KCNQ3: variants seen among roughly 807,000 people sequenced by gnomAD.
KCNQ3 encodes potassium voltage-gated channel subfamily Q member 3.
KCNQ3 carries 30 observed loss-of-function variants against 92.5 expected under a neutral mutation model. The ratio of observed to expected loss-of-function variants is 0.32; its 90% CI spans 0.24 to 0.44. KCNQ3 has a LOEUF of 0.44. KCNQ3 is among the 20% of genes least tolerant of loss of function. The pLI is 1.00. For missense variants in KCNQ3, 913 were observed against 1,140.3 expected, an observed-to-expected ratio of 0.80 and a Z score of 2.87; for synonymous variants, 450 against 468.8, an observed-to-expected ratio of 0.96 and a Z score of 0.52.
chr8:132,402,333 C>T (rs375641893), intron 1 of KCNQ3, among the ~76,000 whole-genome samples: 8 of 152,294 alleles, frequency 5.3e-5, no homozygotes, highest in African/African-American at 1.4e-4. Flanking sequence ...AAAGAACTTG[C>T]TCGGCTTCTG....
At chr8:132,227,058 C>CTTTTTTTTTTTTTTT in intron 1 of KCNQ3, among the ~76,000 whole-genome samples, 1 of 88,662 alleles carries the variant, frequency 1.1e-5, no homozygotes, top group Non-Finnish European at 2.3e-5. Flanking sequence ...ACATATCTCA[C>CTTTTTTTTTTTTTTT]TCTTTTTTTT....
intron 1 of KCNQ3, among the ~76,000 whole-genome samples, chr8:132,307,277 G>A (rs1367865557): frequency 6.6e-6 from 1 of 152,184 alleles, no homozygotes; most frequent in East Asian, 1.9e-4. Context: ...AGTGGACTAA[G>A]TACACTTTCC....
intron 1 of KCNQ3, among the ~76,000 whole-genome samples, chr8:132,313,065 G>A (rs1817641681): frequency 1.3e-5 from 2 of 152,198 alleles, no homozygotes; most frequent in South Asian, 4.1e-4. Context: ...TGTCTATTAA[G>A]GTGGCAGTGA....
chr8:132,122,810 T>C lies in KCNQ3; in HGVS notation c.*6452A>G, dbSNP rs1298982360. 4 of 151,846 alleles carry C rather than the reference T, an allele frequency of 2.6e-5. No individual in the cohort carries two copies. Among genetic ancestry groups the C allele is most frequent in the African/African-American group, 9.7e-5 (4 of 41,424 alleles). The allele number at this position is 151,846 out of a possible 1,614,324, so 9.4% of individuals were successfully genotyped here. A position where few individuals can be genotyped will look rare whatever the true frequency, so the allele number is the denominator to read the frequency against. On this transcript the variant is annotated 3_prime_UTR_variant, in exon 15 of 15. Transcript: ENST00000388996. Reference sequence around the variant, plus strand: ...TCTGGCCGATTTATCCCGAGAACAATGTAAGTGGAAACTAACAATGAAGAT... The same window carrying C: ...TCTGGCCGATTTATCCCGAGAACAACGTAAGTGGAAACTAACAATGAAGAT...
intron 9 of KCNQ3, among the ~76,000 whole-genome samples, chr8:132,148,307 C>G (rs1435409904): frequency 2.0e-5 from 3 of 152,080 alleles, no homozygotes; most frequent in African/African-American, 7.2e-5. Flanking sequence ...TAGCTCTTGG[C>G]TCACTGCAAC....
intron 1 of KCNQ3, among the ~76,000 whole-genome samples, chr8:132,452,818 G>A (rs549621022): frequency 2.6e-5 from 4 of 152,156 alleles, no homozygotes; most frequent in Non-Finnish European, 5.9e-5. Flanking sequence ...TATTCAGTCA[G>A]TCAACAAACA....
intron 1 of KCNQ3, among the ~76,000 whole-genome samples, chr8:132,311,324 G>A (rs1333825506): frequency 1.3e-5 from 2 of 152,100 alleles, no homozygotes. Context: ...CTTTGGTAGG[G>A]CATGACAGCA....
At chr8:132,253,053 G>A (rs1815468092) in intron 1 of KCNQ3, among the ~76,000 whole-genome samples, 1 of 152,186 alleles carries the variant, frequency 6.6e-6, no homozygotes, top group East Asian at 1.9e-4. Context: ...CTTCTTCAGA[G>A]AGGATTTTAC....
chr8:132,426,584 G>A (rs879516888), intron 1 of KCNQ3, among the ~76,000 whole-genome samples: 1 of 152,200 alleles, frequency 6.6e-6, no homozygotes, highest in Non-Finnish European at 1.5e-5. Context: ...GGTGTCATAG[G>A]TGCAGCCAAT....
intron 1 of KCNQ3, among the ~76,000 whole-genome samples, chr8:132,406,560 CACAG>C (rs1294542667): frequency 2.6e-5 from 4 of 151,996 alleles, no homozygotes; most frequent in Admixed American, 2.0e-4. Context: ...TACACTCACA[CACAG>C]ACACACACAC....
chr8:132,226,087 T>G (rs1017328349), intron 1 of KCNQ3, among the ~76,000 whole-genome samples: 1 of 152,070 alleles, frequency 6.6e-6, no homozygotes, highest in South Asian at 2.1e-4. Flanking sequence ...CTGGCTAACG[T>G]GGCGAAACCC....
chr8:132,478,661 C>T (rs1822468857), intron 1 of KCNQ3, among the ~76,000 whole-genome samples: 1 of 152,012 alleles, frequency 6.6e-6, no homozygotes, highest in Non-Finnish European at 1.5e-5. Flanking sequence ...CACGCACACT[C>T]ATACAGACAC....
intron 1 of KCNQ3, among the ~76,000 whole-genome samples, chr8:132,230,192 G>A (rs1253688440): frequency 6.6e-6 from 1 of 152,110 alleles, no homozygotes; most frequent in Non-Finnish European, 1.5e-5. Flanking sequence ...ATCCAAACTG[G>A]CTCCTTTCCA....
intron 9 of KCNQ3, among the ~76,000 whole-genome samples, chr8:132,142,760 A>G (rs192698430): frequency 2.0e-5 from 3 of 152,320 alleles, no homozygotes; most frequent in East Asian, 1.9e-4. Flanking sequence ...TCTGAAGAGC[A>G]TGTCTGGTTA....
chr8:132,250,333 G>A (rs1173216931), intron 1 of KCNQ3, among the ~76,000 whole-genome samples: 3 of 152,164 alleles, frequency 2.0e-5, no homozygotes, highest in Non-Finnish European at 4.4e-5. Context: ...TGAGCCTCTG[G>A]ACTCAACCTG....
chr8:132,346,562 C>A (rs1022270432), intron 1 of KCNQ3, among the ~76,000 whole-genome samples: 15 of 152,220 alleles, frequency 9.9e-5, no homozygotes, highest in Admixed American at 9.2e-4. Context: ...CTTGCCATTT[C>A]TTTGCCCTCT....
At chr8:132,243,264 A>G (rs1387263925) in intron 1 of KCNQ3, among the ~76,000 whole-genome samples, 1 of 152,256 alleles carries the variant, frequency 6.6e-6, no homozygotes, top group African/African-American at 2.4e-5. Flanking sequence ...AGGAAGTGGC[A>G]GAGTCAGGAT....
At chr8:132,320,106 A>G (rs565440569) in intron 1 of KCNQ3, among the ~76,000 whole-genome samples, 1 of 152,358 alleles carries the variant, frequency 6.6e-6, no homozygotes, top group Admixed American at 6.5e-5. Context: ...TCAATTTGGA[A>G]AGTAGTTCTT....
intron 9 of KCNQ3, among the ~76,000 whole-genome samples, chr8:132,158,470 C>T (rs1825877196): frequency 6.6e-6 from 1 of 152,190 alleles, no homozygotes. Flanking sequence ...ATAGCCTCCT[C>T]CTGTGTCAGG....
Sources: gnomAD v4.1 joint callset for allele counts (sites outside exome capture counted in the v4.1 genomes callset) on GRCh38, gnomAD v4.1.1 for gene constraint, MANE v1.5 for transcripts, NCBI Gene and HGNC (gene_info 2026-07-23, HGNC 2026-07-21) for gene names.